FBXL17: variants seen among roughly 807,000 people sequenced by gnomAD.
FBXL17 encodes F-box/LRR-repeat protein 17.
In FBXL17, 22 loss-of-function variants were observed where a neutral mutation model predicts 66.2. The ratio of observed to expected loss-of-function variants is 0.33; its 90% CI spans 0.24 to 0.47. FBXL17 has a LOEUF of 0.47. Among genes scored for constraint, FBXL17 ranks in the 20% least tolerant of loss-of-function variants. FBXL17 has a pLI of 1.00. For missense variants in FBXL17, 878 were observed against 948.2 expected (o/e 0.93, Z 0.97); for synonymous variants, 474 against 400.5 (o/e 1.18, Z -2.19).
chr5:107,932,985 AG>A (rs1198205028), intron 7 of FBXL17, among the ~76,000 whole-genome samples: 4 of 152,274 alleles, frequency 2.6e-5, no homozygotes, highest in Non-Finnish European at 5.9e-5. Flanking sequence ...TGGTTTGGAA[AG>A]ACAAAATGGA....
intron 6 of FBXL17, among the ~76,000 whole-genome samples, chr5:108,027,609 A>G (rs1161458550): frequency 6.6e-6 from 1 of 152,152 alleles, no homozygotes; most frequent in Non-Finnish European, 1.5e-5. Flanking sequence ...AAAATGATGA[A>G]CATAATACTT....
At chr5:108,135,671 T>C (rs1182553986) in intron 6 of FBXL17, among the ~76,000 whole-genome samples, 1 of 152,094 alleles carries the variant, frequency 6.6e-6, no homozygotes, top group Non-Finnish European at 1.5e-5. Context: ...GGAAAAAAGG[T>C]CTTTGTTCTA....
In FBXL17 at chr5:108,060,724, C is replaced by G. The variant is rs115917784; in HGVS notation, c.1746-39723G>C. Among the ~76,000 whole-genome samples, 12 of 152,196 alleles carry G rather than the reference C, an allele frequency of 7.9e-5. No individual in the cohort carries two copies. The South Asian group carries it at 1.0e-3, about 13-fold the overall frequency. ...TTTAACTTTTCTCATTCCATCCCCC[C>G]CTCCCACACACAATCCTATGGCCTC... On this transcript the variant is annotated intron_variant, in intron 6 of 8. Transcript: ENST00000542267.
intron 7 of FBXL17, among the ~76,000 whole-genome samples, chr5:108,003,495 G>C (rs1432442695): frequency 6.6e-6 from 1 of 151,960 alleles, no homozygotes. Flanking sequence ...ATGAGAGCCA[G>C]AAAAAAGAAG....
At chr5:107,895,053 T>A (rs1440854248) in intron 7 of FBXL17, among the ~76,000 whole-genome samples, 4 of 152,128 alleles carry the variant, frequency 2.6e-5, no homozygotes, top group African/African-American at 9.6e-5. Context: ...TATTTTTATA[T>A]TATCAGGTTT....
intron 6 of FBXL17, among the ~76,000 whole-genome samples, chr5:108,163,425 GAGTCTTGGTCT>G (rs1421043653): frequency 7.9e-6 from 1 of 127,356 alleles, no homozygotes; most frequent in African/African-American, 3.1e-5. Flanking sequence ...TTTTGAGACA[GAGTCTTGGTCT>G]GTCGCCCAGG....
At chr5:108,009,814 A>G (rs769162862) in intron 7 of FBXL17, among the ~76,000 whole-genome samples, 3 of 152,196 alleles carry the variant, frequency 2.0e-5, no homozygotes, top group Non-Finnish European at 4.4e-5. Context: ...GAAATCATCA[A>G]TCTGTCTGGT....
intron 4 of FBXL17, among the ~76,000 whole-genome samples, chr5:108,239,113 T>C (rs1016287334): frequency 6.6e-6 from 1 of 152,104 alleles, no homozygotes; most frequent in African/African-American, 2.4e-5. Flanking sequence ...TGCAGTACAG[T>C]AGCGCGATCA....
intron 6 of FBXL17, among the ~76,000 whole-genome samples, chr5:108,116,100 G>A (rs1213453783): frequency 6.6e-6 from 1 of 152,028 alleles, no homozygotes; most frequent in African/African-American, 2.4e-5. Flanking sequence ...AATCCCCATA[G>A]AAAGAATGTA....
chr5:108,310,644 T>C (rs907267456), intron 4 of FBXL17, among the ~76,000 whole-genome samples: 1 of 152,198 alleles, frequency 6.6e-6, no homozygotes, highest in African/African-American at 2.4e-5. Flanking sequence ...TTTCAAGAAA[T>C]AACTTAGAGC....
intron 1 of FBXL17, among the ~76,000 whole-genome samples, chr5:108,372,542 C>T (rs938353710): frequency 2.0e-5 from 3 of 152,026 alleles, no homozygotes; most frequent in Non-Finnish European, 2.9e-5. Context: ...AAATGCAACT[C>T]GTGAAAAGGA....
intron 8 of FBXL17, among the ~76,000 whole-genome samples, chr5:107,868,525 G>A (rs527289618): frequency 9.3e-4 from 142 of 152,292 alleles, no homozygotes; most frequent in African/African-American, 2.1e-3. Flanking sequence ...CCGTGACTAC[G>A]CCAGAAAGGG....
At chr5:107,891,781 T>C (rs1353525953) in intron 7 of FBXL17, among the ~76,000 whole-genome samples, 1 of 152,184 alleles carries the variant, frequency 6.6e-6, no homozygotes, top group Non-Finnish European at 1.5e-5. Flanking sequence ...TTCTACTGCA[T>C]ATAAACTCCA....
chr5:108,025,860 C>T (rs1684575904), intron 6 of FBXL17, among the ~76,000 whole-genome samples: 1 of 152,052 alleles, frequency 6.6e-6, no homozygotes, highest in African/African-American at 2.4e-5. Flanking sequence ...CTAATTCATA[C>T]GTGGGTCATT....
At chr5:108,274,864 T>C (rs1757422118) in intron 4 of FBXL17, among the ~76,000 whole-genome samples, 2 of 152,228 alleles carry the variant, frequency 1.3e-5, no homozygotes, top group South Asian at 2.1e-4. Flanking sequence ...TTACAACTTT[T>C]ACATTTATTA....
At chr5:108,317,743 AAT>A (rs1759437656) in intron 4 of FBXL17, among the ~76,000 whole-genome samples, 2 of 151,440 alleles carry the variant, frequency 1.3e-5, no homozygotes, top group South Asian at 2.1e-4. Context: ...ATCTTAAAAC[AAT>A]ATGATTAAAT....
chr5:108,206,143 A>G (rs924071313), intron 5 of FBXL17, among the ~76,000 whole-genome samples: 3 of 152,140 alleles, frequency 2.0e-5, no homozygotes, highest in Admixed American at 6.6e-5. Flanking sequence ...TTATTTCAAG[A>G]TAACTGCAAA....
chr5:108,032,961 CA>C (rs1045052551), intron 6 of FBXL17, among the ~76,000 whole-genome samples: 132 of 151,872 alleles, frequency 8.7e-4, no homozygotes, highest in Non-Finnish European at 1.6e-3. Context: ...GTGACAAAGA[CA>C]AAAAAAGAAA....
chr5:108,333,136 C>A, intron 4 of FBXL17, among the ~76,000 whole-genome samples: 1 of 109,384 alleles, frequency 9.1e-6, no homozygotes, highest in African/African-American at 3.8e-5. Context: ...TTAAGTCAAA[C>A]CAGAAATACC....
Sources: allele counts gnomAD v4.1 joint callset (sites outside exome capture counted in the v4.1 genomes callset), GRCh38; gene constraint gnomAD v4.1.1; transcripts MANE v1.5; gene names NCBI Gene and HGNC (gene_info 2026-07-23, HGNC 2026-07-21).